Variants in FAT3 observed in about 807,000 individuals in gnomAD.
The protein encoded by FAT3 is protocadherin Fat 3.
A neutral mutation model predicts 310.2 loss-of-function variants in FAT3; 95 were observed. That is an observed-to-expected ratio of 0.31 (90% CI 0.26 to 0.36). FAT3 has a LOEUF of 0.36. Among genes scored for constraint, FAT3 ranks in the 10% least tolerant of loss-of-function variants. FAT3 has a pLI of 1.00. For missense variants in FAT3, 5,408 were observed against 5,715.6 expected (o/e 0.95, Z 1.74); for synonymous variants, 2,314 against 2,192.9 (o/e 1.06, Z -1.54).
chr11:92,342,303 C>T (rs994497617), intron 1 of FAT3, among the ~76,000 whole-genome samples: 13 of 152,122 alleles, frequency 8.5e-5, no homozygotes, highest in Non-Finnish European at 2.9e-5. Context: ...CCTCCCCTCC[C>T]CACCATCCAC....
At chr11:92,729,330 C>A (rs767600015) in intron 4 of FAT3, among the ~76,000 whole-genome samples, 23 of 151,978 alleles carry the variant, frequency 1.5e-4, no homozygotes, top group Non-Finnish European at 2.9e-4. Context: ...TATTTTTTCA[C>A]ATCAGATGGG....
At chr11:92,468,793 T>C (rs1193964678) in intron 2 of FAT3, among the ~76,000 whole-genome samples, 1 of 152,118 alleles carries the variant, frequency 6.6e-6, no homozygotes, top group Non-Finnish European at 1.5e-5. Context: ...ACTCACTCAC[T>C]ATCATGAGAA....
chr11:92,451,164 G>T (rs1015964393), intron 2 of FAT3, among the ~76,000 whole-genome samples: 3 of 152,308 alleles, frequency 2.0e-5, no homozygotes, highest in Admixed American at 6.5e-5. Flanking sequence ...CTTGGAAAGA[G>T]AATTGCCTTA....
intron 1 of FAT3, among the ~76,000 whole-genome samples, chr11:92,283,973 A>C (rs1190296036): frequency 6.6e-6 from 1 of 151,996 alleles, no homozygotes; most frequent in Non-Finnish European, 1.5e-5. Flanking sequence ...TAAATCTCTT[A>C]TCTTTTTGTA....
intron 3 of FAT3, among the ~76,000 whole-genome samples, chr11:92,671,950 A>T (rs554990687): frequency 6.6e-6 from 1 of 152,076 alleles, no homozygotes; most frequent in East Asian, 1.9e-4. Flanking sequence ...TACTAAAAAT[A>T]CAAAAAATAA....
chr11:92,520,013 C>T (rs925390435), intron 2 of FAT3, among the ~76,000 whole-genome samples: 3 of 152,056 alleles, frequency 2.0e-5, no homozygotes, highest in Non-Finnish European at 4.4e-5. Context: ...TGGAAGTATT[C>T]TTCCATATAA....
intron 4 of FAT3, among the ~76,000 whole-genome samples, chr11:92,745,920 A>G (rs1945651258): frequency 6.6e-6 from 1 of 152,192 alleles, no homozygotes; most frequent in South Asian, 2.1e-4. Flanking sequence ...GATCATGGGT[A>G]CCTGGAAAGG....
intron 1 of FAT3, among the ~76,000 whole-genome samples, chr11:92,229,852 C>A (rs1864097431): frequency 7.0e-6 from 1 of 143,658 alleles, no homozygotes; most frequent in African/African-American, 2.6e-5. Context: ...AATGGATTAA[C>A]TGGCATGATG....
intron 1 of FAT3, among the ~76,000 whole-genome samples, chr11:92,227,055 G>A (rs1003552316): frequency 2.0e-5 from 3 of 152,230 alleles, no homozygotes; most frequent in African/African-American, 4.8e-5. Flanking sequence ...GAGGGGGCGA[G>A]CTGTCTGGGC....
chr11:92,558,259 A>G (rs983830543), intron 3 of FAT3, among the ~76,000 whole-genome samples: 8 of 152,084 alleles, frequency 5.3e-5, no homozygotes, highest in Admixed American at 2.6e-4. Context: ...ACTATAGAAA[A>G]TGTTTATTTA....
chr11:92,451,865 T>C (rs1281744197), intron 2 of FAT3, among the ~76,000 whole-genome samples: 2 of 152,222 alleles, frequency 1.3e-5, no homozygotes, highest in African/African-American at 4.8e-5. Flanking sequence ...CTGCATGTCA[T>C]GGTCCCAAGC....
intron 2 of FAT3, among the ~76,000 whole-genome samples, chr11:92,504,578 T>A (rs1034383976): frequency 1.3e-5 from 2 of 152,158 alleles, no homozygotes; most frequent in Admixed American, 1.3e-4. Flanking sequence ...TTTAATTGCT[T>A]ATGAATATAT....
intron 3 of FAT3, among the ~76,000 whole-genome samples, chr11:92,689,103 C>T (rs553744605): frequency 6.6e-6 from 1 of 152,216 alleles, no homozygotes; most frequent in Non-Finnish European, 1.5e-5. Flanking sequence ...ATTTAGTAAG[C>T]TTCATTTTAT....
chr11:92,276,124 C>T (rs527536398), intron 1 of FAT3, among the ~76,000 whole-genome samples: 5 of 152,186 alleles, frequency 3.3e-5, no homozygotes, highest in South Asian at 2.1e-4. Context: ...CAAATAGTCC[C>T]GAACCAAAAT....
chr11:92,528,730 A>G (rs1953965769), intron 3 of FAT3, among the ~76,000 whole-genome samples: 1 of 152,174 alleles, frequency 6.6e-6, no homozygotes, highest in Non-Finnish European at 1.5e-5. Context: ...TTGGTCATCC[A>G]GGCTGAAGTG....
intron 4 of FAT3, among the ~76,000 whole-genome samples, chr11:92,756,603 C>A (rs886313176): frequency 9.2e-5 from 14 of 152,156 alleles, no homozygotes; most frequent in African/African-American, 3.1e-4. Context: ...CTTGTAATCA[C>A]TGGGAACAAG....
intron 16 of FAT3, 61 bp from the exon 17 acceptor site, chr11:92,837,602 G>A: frequency 6.3e-7 from 1 of 1,588,718 alleles, no homozygotes; most frequent in Non-Finnish European, 8.6e-7. Context: ...GTTCCTCTGT[G>A]TGTGCACAGA....
intron 4 of FAT3, among the ~76,000 whole-genome samples, chr11:92,721,459 C>G (rs2135974105): frequency 6.6e-6 from 1 of 152,228 alleles, no homozygotes; most frequent in African/African-American, 2.4e-5. Flanking sequence ...CAGCTCTGTC[C>G]TGGTGAAGGA....
At chr11:92,610,495 A>G (rs958771728) in intron 3 of FAT3, among the ~76,000 whole-genome samples, 1 of 152,124 alleles carries the variant, frequency 6.6e-6, no homozygotes, top group African/African-American at 2.4e-5. Flanking sequence ...GTTTAGACCA[A>G]TATTTAGGCC....
Sources: gnomAD v4.1 joint callset for allele counts (sites outside exome capture counted in the v4.1 genomes callset) on GRCh38, gnomAD v4.1.1 for gene constraint, MANE v1.5 for transcripts, NCBI Gene and HGNC (gene_info 2026-07-23, HGNC 2026-07-21) for gene names.